LRRC4C: variants seen among roughly 807,000 people sequenced by gnomAD.
LRRC4C encodes the protein leucine-rich repeat-containing protein 4C.
In LRRC4C, 5 loss-of-function variants were observed where a neutral mutation model predicts 33.6. That is an observed-to-expected ratio of 0.15 (90% CI 0.08 to 0.31). LRRC4C has a LOEUF of 0.31. LRRC4C is among the 10% of genes least tolerant of loss of function. The pLI is 1.00. For missense variants in LRRC4C, 560 were observed against 796.7 expected (o/e 0.70, Z 3.58); for synonymous variants, 329 against 302.0 (o/e 1.09, Z -0.93).
intron 2 of LRRC4C, among the ~76,000 whole-genome samples, chr11:40,725,769 T>G (rs1591558617): frequency 6.6e-6 from 1 of 152,166 alleles, no homozygotes; most frequent in Admixed American, 6.5e-5. Context: ...CTCAGCTTTT[T>G]AAAAATGAAG....
At chr11:40,568,014 T>C (rs1392057257) in intron 3 of LRRC4C, among the ~76,000 whole-genome samples, 1 of 152,214 alleles carries the variant, frequency 6.6e-6, no homozygotes. Flanking sequence ...TTCCAGTGAT[T>C]ACCACTTCCT....
At chr11:40,511,541 T>C (rs1955316335) in intron 3 of LRRC4C, among the ~76,000 whole-genome samples, 2 of 152,300 alleles carry the variant, frequency 1.3e-5, no homozygotes, top group African/African-American at 4.8e-5. Context: ...GAACACATTA[T>C]GAATTCAATG....
chr11:40,871,491 C>T (rs2135941516), intron 2 of LRRC4C, among the ~76,000 whole-genome samples: 1 of 152,210 alleles, frequency 6.6e-6, no homozygotes, highest in East Asian at 1.9e-4. Flanking sequence ...TAGAAAAGAA[C>T]CTACGTGACT....
intron 4 of LRRC4C, among the ~76,000 whole-genome samples, chr11:40,247,621 C>T (rs983103160): frequency 9.2e-5 from 14 of 151,524 alleles, no homozygotes; most frequent in African/African-American, 3.4e-4. Context: ...GGTCATTGCA[C>T]TGTCAATACT....
intron 1 of LRRC4C, among the ~76,000 whole-genome samples, chr11:40,940,924 TC>T (rs1445087794): frequency 2.6e-5 from 2 of 77,730 alleles, no homozygotes; most frequent in African/African-American, 4.0e-5. Context: ...CGTTACAAAA[TC>T]TTTTTTTTTT....
At chr11:40,150,152 C>T (rs570352834) in intron 5 of LRRC4C, among the ~76,000 whole-genome samples, 2 of 152,306 alleles carry the variant, frequency 1.3e-5, no homozygotes, top group African/African-American at 2.4e-5. Flanking sequence ...CTTCTCTTCT[C>T]CCTGTGTCTC....
intron 1 of LRRC4C, among the ~76,000 whole-genome samples, chr11:41,015,945 G>A (rs1297328219): frequency 6.6e-6 from 1 of 152,050 alleles, no homozygotes; most frequent in African/African-American, 2.4e-5. Context: ...AGCCGAGATC[G>A]CGCCACTGCA....
At chr11:41,214,205 C>A (rs1946938144) in intron 1 of LRRC4C, among the ~76,000 whole-genome samples, 2 of 152,070 alleles carry the variant, frequency 1.3e-5, no homozygotes, top group South Asian at 2.1e-4. Flanking sequence ...TCTTCAATCA[C>A]CATTGGCAGT....
rs190573473 is a variant in LRRC4C, at chr11:41,273,209, C to A, written c.-496+186222G>T. Among the ~76,000 whole-genome samples the A allele has an allele frequency of 2.0e-5, 3 of 152,192 alleles. No homozygotes were observed. In the East Asian group the frequency reaches 5.8e-4, roughly 29 times the overall value. On this transcript the variant is annotated intron_variant, in intron 1 of 6. Coordinates refer to ENST00000528697, the MANE Select transcript of LRRC4C (RefSeq NM_001258419.2). ...ACTACTGATGGGAATGTAGAATCTG[C>A]AGCTACTATAGAAAAGAGTATAGAG...
intron 2 of LRRC4C, among the ~76,000 whole-genome samples, chr11:40,805,442 T>G (rs1053494627): frequency 6.6e-6 from 1 of 152,226 alleles, no homozygotes; most frequent in Admixed American, 6.5e-5. Context: ...TTAAACCAGA[T>G]TGATTTGAGT....
chr11:40,998,483 C>T (rs1854138131), intron 1 of LRRC4C, among the ~76,000 whole-genome samples: 1 of 152,000 alleles, frequency 6.6e-6, no homozygotes, highest in Non-Finnish European at 1.5e-5. Flanking sequence ...TGGATTTATA[C>T]ATCTCTGGGG....
intron 1 of LRRC4C, among the ~76,000 whole-genome samples, chr11:41,295,632 C>T (rs932165878): frequency 1.3e-5 from 2 of 150,970 alleles, no homozygotes; most frequent in South Asian, 2.1e-4. Flanking sequence ...GAGTTTAGTA[C>T]ATAACCTGAC....
intron 3 of LRRC4C, among the ~76,000 whole-genome samples, chr11:40,597,630 G>A (rs933990613): frequency 1.2e-5 from 1 of 80,384 alleles, no homozygotes; most frequent in South Asian, 4.1e-4. Flanking sequence ...CACTGCCCAG[G>A]TTCAATTATT....
intron 3 of LRRC4C, among the ~76,000 whole-genome samples, chr11:40,426,843 G>A (rs1950734744): frequency 6.6e-6 from 1 of 152,160 alleles, no homozygotes; most frequent in Non-Finnish European, 1.5e-5. Context: ...GTTTCTGAAA[G>A]ACCTTCTTTC....
chr11:40,432,960 C>CATTTT (rs1555057246), intron 3 of LRRC4C, among the ~76,000 whole-genome samples: 1 of 151,906 alleles, frequency 6.6e-6, no homozygotes, highest in African/African-American at 2.4e-5. Flanking sequence ...AATGGATATA[C>CATTTT]GTTTTAAGTA....
rs545413289 is a variant in LRRC4C, at chr11:41,174,946, CATTT to C, written c.-495-241227_-495-241224del. ...GCCGATTTCATGCCACAAACCAGAG[CATTT>C]AATTAATGCCTTTAATTAATTAAAT... On this transcript the variant is annotated intron_variant, in intron 1 of 6. Coordinates refer to ENST00000528697, the MANE Select transcript of LRRC4C (RefSeq NM_001258419.2). 6.2e-3 allele frequency among the ~76,000 whole-genome samples: 941 copies of C among 152,094 alleles called. 15 individuals carry two copies. Among genetic ancestry groups the C allele is most frequent in the African/African-American group, 0.022 (893 of 41,510 alleles).
intron 3 of LRRC4C, among the ~76,000 whole-genome samples, chr11:40,498,082 T>TA (rs1954563480): frequency 6.6e-6 from 1 of 152,202 alleles, no homozygotes; most frequent in Non-Finnish European, 1.5e-5. Flanking sequence ...TAGCAAATCT[T>TA]AGCTTATACA....
rs116336860 is a variant in LRRC4C at position 41,161,605 on chromosome 11, T to C, written c.-495-227882A>G. Among the ~76,000 whole-genome samples the C allele has an allele frequency of 5.7e-3, 869 of 152,334 alleles. 7 individuals carry two copies. The highest frequency in any genetic ancestry group is 0.019 in the African/African-American group (786 of 41,572). On this transcript the variant is annotated intron_variant, in intron 1 of 6. Transcript: ENST00000528697. ...TGTCATGGACACTTAGGGTCACCTA[T>C]GAAAAACTCTAACAGTTACTGTTTA...
In LRRC4C at chr11:40,487,403, A is replaced by G. The variant is rs78738020; in HGVS notation, c.-270+160739T>C. 7.1e-3 allele frequency among the ~76,000 whole-genome samples: 1,079 copies of G among 152,230 alleles called. 11 individuals carry two copies. The highest frequency in any genetic ancestry group is 0.025 in the African/African-American group (1,043 of 41,568). On this transcript the variant is annotated intron_variant, in intron 3 of 6. Coordinates refer to ENST00000528697, the MANE Select transcript of LRRC4C (RefSeq NM_001258419.2). ...CTTCAAATGATATCCATGTCTTAAT[A>G]CCAGAAATATGTCAGCATTCAAACA...
Sources: gnomAD v4.1 joint callset for allele counts (sites outside exome capture counted in the v4.1 genomes callset) on GRCh38, gnomAD v4.1.1 for gene constraint, MANE v1.5 for transcripts, NCBI Gene and HGNC (gene_info 2026-07-23, HGNC 2026-07-21) for gene names.